SRBD1: variants seen among roughly 807,000 people sequenced by gnomAD.
SRBD1 encodes S1 RNA-binding domain-containing protein 1.
Under a neutral mutation model 115.3 loss-of-function variants are expected in SRBD1, and 88 were observed. The ratio of observed to expected loss-of-function variants is 0.76; its 90% CI spans 0.64 to 0.91. The LOEUF (loss-of-function observed/expected upper bound fraction) is 0.91. SRBD1 is among the 40% of genes least tolerant of loss of function. SRBD1 has a pLI of 0.00. For synonymous variants in SRBD1, 509 were observed against 407.7 expected, an observed-to-expected ratio of 1.25 and a Z score of -2.99; for missense variants, 1,385 against 1,177.4, an observed-to-expected ratio of 1.18 and a Z score of -2.58.
intron 19 of SRBD1, among the ~76,000 whole-genome samples, chr2:45,400,941 A>C (rs1277325411): frequency 6.6e-6 from 1 of 152,100 alleles, no homozygotes; most frequent in African/African-American, 2.4e-5. Flanking sequence ...TGATCTTCCT[A>C]GTTTCCTCTA....
At chr2:45,606,026 C>T (rs6744527) in intron 1 of SRBD1, among the ~76,000 whole-genome samples, 129,135 of 151,944 alleles carry the variant, frequency 0.85, 55,377 homozygotes, top group African/African-American at 0.93. Flanking sequence ...TGTAGGAAAA[C>T]TGTGTGCTTC....
At chr2:45,408,736 A>G (rs1667508247) in intron 19 of SRBD1, among the ~76,000 whole-genome samples, 1 of 152,194 alleles carries the variant, frequency 6.6e-6, no homozygotes, top group South Asian at 2.1e-4. Context: ...CATCATAACG[A>G]ACCACTATTA....
At chr2:45,513,243 G>A (rs781618665) in intron 14 of SRBD1, among the ~76,000 whole-genome samples, 75 of 152,164 alleles carry the variant, frequency 4.9e-4, no homozygotes, top group Non-Finnish European at 9.3e-4. Context: ...TTCATCATAC[G>A]AAACTGTGTT....
intron 12 of SRBD1, among the ~76,000 whole-genome samples, chr2:45,550,378 C>T (rs965563118): frequency 6.6e-6 from 1 of 151,522 alleles, no homozygotes; most frequent in Non-Finnish European, 1.5e-5. Flanking sequence ...CATAAGAAAA[C>T]TGAGAAACAC....
intron 16 of SRBD1, among the ~76,000 whole-genome samples, chr2:45,469,095 C>G (rs1295677696): frequency 6.6e-6 from 1 of 152,112 alleles, no homozygotes; most frequent in Non-Finnish European, 1.5e-5. Flanking sequence ...GAGACCTTTA[C>G]ATATTCTGTA....
intron 10 of SRBD1, among the ~76,000 whole-genome samples, chr2:45,555,635 C>T (rs6723457): frequency 0.51 from 77,704 of 151,480 alleles, 20,372 homozygotes; most frequent in African/African-American, 0.55. Context: ...GGACTACAGG[C>T]GCCACCATAC....
chr2:45,468,159 T>G (rs1265379259), intron 16 of SRBD1, among the ~76,000 whole-genome samples: 1 of 152,118 alleles, frequency 6.6e-6, no homozygotes, highest in Non-Finnish European at 1.5e-5. Context: ...TATTTCATAT[T>G]TTTAAATTTT....
At chr2:45,428,799 A>C (rs1263298504) in intron 16 of SRBD1, among the ~76,000 whole-genome samples, 1 of 152,170 alleles carries the variant, frequency 6.6e-6, no homozygotes, top group Non-Finnish European at 1.5e-5. Context: ...AGCAGAAGAC[A>C]AGAAATAACT....
chr2:45,398,872 AAAC>A (rs547640566), intron 19 of SRBD1, among the ~76,000 whole-genome samples: 7 of 152,184 alleles, frequency 4.6e-5, no homozygotes, highest in Non-Finnish European at 7.4e-5. Flanking sequence ...CATATAATTT[AAAC>A]AACTGTACGT....
rs369736483 is a variant in SRBD1, at chr2:45,476,515, A to G, written c.2049+478T>C. ...CTGCCAAGGTTTAGTGCTGTCTTGAATTGCCCAATGAACACATACAACCTC... is the reference window on the plus strand; with the variant it reads ...CTGCCAAGGTTTAGTGCTGTCTTGAGTTGCCCAATGAACACATACAACCTC... On this transcript the variant is annotated intron_variant, in intron 16 of 20. Coordinates refer to ENST00000263736, the MANE Select transcript of SRBD1 (RefSeq NM_018079.5). Among the ~76,000 whole-genome samples, 7 of 152,302 alleles carry G rather than the reference A, an allele frequency of 4.6e-5. No homozygotes were observed. The East Asian group carries it at 7.7e-4, about 17-fold the overall frequency.
intron 14 of SRBD1, among the ~76,000 whole-genome samples, chr2:45,498,514 G>A (rs925632416): frequency 7.2e-5 from 11 of 152,044 alleles, no homozygotes; most frequent in Non-Finnish European, 1.3e-4. Flanking sequence ...TGGGATATCT[G>A]TCACCTCAAA....
chr2:45,464,727 T>C (rs191697096), intron 16 of SRBD1, among the ~76,000 whole-genome samples: 4 of 152,212 alleles, frequency 2.6e-5, no homozygotes, highest in African/African-American at 9.6e-5. Flanking sequence ...AGACACAAAA[T>C]TGGAGACTGG....
chr2:45,496,211 G>A (rs991081360), intron 14 of SRBD1, among the ~76,000 whole-genome samples: 2 of 152,038 alleles, frequency 1.3e-5, no homozygotes, highest in African/African-American at 2.4e-5. Context: ...ATGCATCTGT[G>A]GGAGTTTGTC....
intron 16 of SRBD1, among the ~76,000 whole-genome samples, chr2:45,462,575 C>T (rs1355843174): frequency 6.6e-6 from 1 of 151,458 alleles, no homozygotes; most frequent in Non-Finnish European, 1.5e-5. Flanking sequence ...AAAGACAACA[C>T]ATCAGCAGAG....
At chr2:45,442,346 C>A (rs3770253) in intron 16 of SRBD1, among the ~76,000 whole-genome samples, 61 of 152,076 alleles carry the variant, frequency 4.0e-4, no homozygotes, top group African/African-American at 1.4e-3. Flanking sequence ...TGGGAAAAAA[C>A]TTATATGAAA....
rs745580326 is a variant in SRBD1 at position 45,546,769 on chromosome 2, T to C, written c.1837A>G (p.Met613Val). 1.2e-6 allele frequency: 2 copies of C among 1,614,002 alleles called. No individual in the cohort carries two copies. Among genetic ancestry groups the C allele is most frequent in the Non-Finnish European group, 1.7e-6 (2 of 1,179,994 alleles). Residue 613 changes from methionine to valine, a missense_variant, in exon 14 of 21, where the codon ATG becomes GTG. Met to Val is a conservative substitution (Grantham distance 21, BLOSUM62 1). Transcript: ENST00000263736. ...TCCAGTGGTGCAAAATAATTCTTCA[T>C]TATCAGGTCAGCAAAGTAAGCTTCT... ...ETEAYFADLI[M>V]KNYFAPLDVV... is the part of the protein sequence containing the mutation.
At position 45,574,790 on chromosome 2, in the gene SRBD1, TA is replaced by T. The variant is rs1673127646; in HGVS notation, c.1073-68del. 6 of 1,285,336 alleles carry T rather than the reference TA, an allele frequency of 4.7e-6. 1 individual carries two copies. The South Asian group carries it at 7.9e-5, about 17-fold the overall frequency. The allele number at this position is 1,285,336 out of a possible 1,614,324, so 79.6% of individuals were successfully genotyped here. On this transcript the variant is annotated intron_variant, in intron 7 of 20. Coordinates refer to ENST00000263736, the MANE Select transcript of SRBD1 (RefSeq NM_018079.5). Reference sequence around the variant, plus strand: ...TACGATTGGTTTTAAATTCTATAACTAAATCACAGTAAATTAATTCCAGTCA... The same window carrying T: ...TACGATTGGTTTTAAATTCTATAACTAATCACAGTAAATTAATTCCAGTCA...
chr2:45,545,028 C>T (rs569488311), intron 14 of SRBD1, among the ~76,000 whole-genome samples: 87 of 152,104 alleles, frequency 5.7e-4, no homozygotes, highest in African/African-American at 2.0e-3. Flanking sequence ...TGCCTGTAAT[C>T]GCAGCACTTT....
At chr2:45,607,548 T>C (rs1045352848) in intron 1 of SRBD1, among the ~76,000 whole-genome samples, 2 of 151,862 alleles carry the variant, frequency 1.3e-5, no homozygotes, top group South Asian at 2.1e-4. Flanking sequence ...GACTAACAAA[T>C]TGCAACACAT....
Sources: gnomAD v4.1 joint callset for allele counts (sites outside exome capture counted in the v4.1 genomes callset) on GRCh38, gnomAD v4.1.1 for gene constraint, MANE v1.5 for transcripts, NCBI Gene and HGNC (gene_info 2026-07-23, HGNC 2026-07-21) for gene names.